The following LRRC4C variants were observed in gnomAD, a reference collection of about 807,000 sequenced individuals.
LRRC4C encodes leucine-rich repeat-containing protein 4C.
A neutral mutation model predicts 33.6 loss-of-function variants in LRRC4C; 5 were observed. The ratio of observed to expected loss-of-function variants is 0.15; its 90% CI spans 0.08 to 0.31. The LOEUF is 0.31. LRRC4C is among the 10% of genes least tolerant of loss of function. The pLI is 1.00. For synonymous variants in LRRC4C, 329 were observed against 302.0 expected (o/e 1.09, Z -0.93); for missense variants, 560 against 796.7 (o/e 0.70, Z 3.58).
intron 6 of LRRC4C, among the ~76,000 whole-genome samples, chr11:40,122,310 G>A (rs769164687): frequency 6.6e-6 from 1 of 151,928 alleles, no homozygotes; most frequent in Non-Finnish European, 1.5e-5. Context: ...TTGTTACATA[G>A]GTTAAACGTG....
At chr11:40,492,877 C>T (rs112479221) in intron 3 of LRRC4C, among the ~76,000 whole-genome samples, 140 of 152,078 alleles carry the variant, frequency 9.2e-4, no homozygotes, top group Admixed American at 3.5e-3. Context: ...ACCCTATAGG[C>T]TTTTGCTAGA....
chr11:40,786,828 G>A (rs1950430557), intron 2 of LRRC4C, among the ~76,000 whole-genome samples: 1 of 152,000 alleles, frequency 6.6e-6, no homozygotes, highest in Non-Finnish European at 1.5e-5. Context: ...TACAGTACAA[G>A]TTCCAAATCT....
chr11:41,215,312 A>G (rs929992529), intron 1 of LRRC4C, among the ~76,000 whole-genome samples: 2 of 151,516 alleles, frequency 1.3e-5, no homozygotes, highest in African/African-American at 4.9e-5. Flanking sequence ...ACATGGTGAA[A>G]CCCTGCCTCT....
intron 1 of LRRC4C, among the ~76,000 whole-genome samples, chr11:41,410,276 A>G (rs1202199303): frequency 1.3e-5 from 2 of 152,244 alleles, no homozygotes; most frequent in Non-Finnish European, 2.9e-5. Context: ...GGCCTTCAGC[A>G]GCTCATCACA....
chr11:41,026,276 C>T (rs564324844), intron 1 of LRRC4C, among the ~76,000 whole-genome samples: 10 of 151,660 alleles, frequency 6.6e-5, no homozygotes, highest in Middle Eastern at 3.4e-3. Context: ...GTCTGCAAGA[C>T]GTTCATTCCA....
At chr11:40,512,129 A>C (rs907723054) in intron 3 of LRRC4C, among the ~76,000 whole-genome samples, 1 of 152,198 alleles carries the variant, frequency 6.6e-6, no homozygotes, top group Non-Finnish European at 1.5e-5. Context: ...AAACTACACT[A>C]ATCTATAAAT....
In LRRC4C at chr11:40,346,462, T is replaced by C. The variant is rs183220292; in HGVS notation, c.-269-26741A>G. Among the ~76,000 whole-genome samples, 1,432 of 152,254 alleles carry C rather than the reference T, an allele frequency of 9.4e-3. 71 individuals carry two copies. Among genetic ancestry groups the C allele is most frequent in the Admixed American group, 0.085 (1,301 of 15,282 alleles). On this transcript the variant is annotated intron_variant, in intron 3 of 6. Coordinates refer to ENST00000528697, the MANE Select transcript of LRRC4C (RefSeq NM_001258419.2). ...ACTAACACAGTAACAGAAAATTAAA[T>C]AGTGCATGTTCTCACTTATAAGTGG...
intron 1 of LRRC4C, among the ~76,000 whole-genome samples, chr11:41,443,781 A>G (rs1340107953): frequency 8.7e-6 from 1 of 115,142 alleles, no homozygotes; most frequent in Non-Finnish European, 1.8e-5. Context: ...ACACCTAGCT[A>G]TTTTTTTTTT....
At chr11:40,340,281 G>A (rs1449661417) in intron 3 of LRRC4C, among the ~76,000 whole-genome samples, 1 of 152,016 alleles carries the variant, frequency 6.6e-6, no homozygotes, top group Non-Finnish European at 1.5e-5. Flanking sequence ...AGAAACATGA[G>A]AAGTTCACCA....
intron 2 of LRRC4C, among the ~76,000 whole-genome samples, chr11:40,709,248 T>G (rs1312584197): frequency 6.6e-6 from 1 of 152,202 alleles, no homozygotes; most frequent in Non-Finnish European, 1.5e-5. Flanking sequence ...CCCGTCATTA[T>G]GATGTTAGCT....
At chr11:41,366,246 G>A (rs528329607) in intron 1 of LRRC4C, among the ~76,000 whole-genome samples, 19 of 136,048 alleles carry the variant, frequency 1.4e-4, no homozygotes, top group African/African-American at 4.8e-4. Context: ...AGATAGATAG[G>A]TAGATATCCT....
At chr11:41,425,995 C>T (rs186296182) in intron 1 of LRRC4C, among the ~76,000 whole-genome samples, 1 of 152,140 alleles carries the variant, frequency 6.6e-6, no homozygotes, top group Non-Finnish European at 1.5e-5. Flanking sequence ...ATCAAAAACA[C>T]TCTTCTAAAA....
intron 4 of LRRC4C, among the ~76,000 whole-genome samples, chr11:40,280,424 A>C (rs772954706): frequency 5.3e-4 from 81 of 152,148 alleles, no homozygotes; most frequent in Non-Finnish European, 1.0e-3. Flanking sequence ...GCAGGCAAAG[A>C]TTTCTTCTTA....
At chr11:40,310,854 C>T (rs998462971) in intron 4 of LRRC4C, among the ~76,000 whole-genome samples, 20 of 152,212 alleles carry the variant, frequency 1.3e-4, no homozygotes, top group African/African-American at 4.8e-4. Flanking sequence ...TTTCCAAAGA[C>T]TGGGTCCTAA....
intron 2 of LRRC4C, among the ~76,000 whole-genome samples, chr11:40,779,113 G>A (rs1950121133): frequency 6.6e-6 from 1 of 152,130 alleles, no homozygotes; most frequent in African/African-American, 2.4e-5. Context: ...TCCAGAACCA[G>A]AGTAGTAGTA....
At position 41,107,044 on chromosome 11, in the gene LRRC4C, C is replaced by A. The variant is rs141165072; in HGVS notation, c.-495-173321G>T. On this transcript the variant is annotated intron_variant, in intron 1 of 6. Transcript: ENST00000528697. ...AAAATTAAATACTTGAGACCAGAAG[C>A]GTTTTAGGTTTTGATTTTTTTTTTT... 7.5e-3 allele frequency among the ~76,000 whole-genome samples: 988 copies of A among 132,066 alleles called. 13 individuals are homozygous for A. Among genetic ancestry groups the A allele is most frequent in the African/African-American group, 0.025 (909 of 35,764 alleles). 86.6% of individuals were successfully genotyped at this position (132,066 alleles called of 152,430 possible).
In LRRC4C at chr11:41,329,430, C is replaced by T. The variant is rs376289190; in HGVS notation, c.-496+130001G>A. ...TATCTCTTCTTTTTGCAATATGTTG[C>T]GTCCCATAGTACCAGATTTGATTAA... On this transcript the variant is annotated intron_variant, in intron 1 of 6. Transcript: ENST00000528697. 2.8e-4 allele frequency among the ~76,000 whole-genome samples: 43 copies of T among 152,264 alleles called. 1 individual carries two copies. The highest frequency in any genetic ancestry group is 9.1e-4 in the African/African-American group (38 of 41,542).
chr11:41,233,330 G>C (rs1947882170), intron 1 of LRRC4C, among the ~76,000 whole-genome samples: 1 of 151,952 alleles, frequency 6.6e-6, no homozygotes, highest in African/African-American at 2.4e-5. Context: ...GGGAAAAATT[G>C]TTAATATCAA....
chr11:40,205,432 G>GA (rs994414250), intron 5 of LRRC4C, among the ~76,000 whole-genome samples: 1 of 151,830 alleles, frequency 6.6e-6, no homozygotes, highest in Admixed American at 6.6e-5. Flanking sequence ...AAACCCTCAA[G>GA]AAAAAAACAC....
Sources: gnomAD v4.1 joint callset for allele counts (sites outside exome capture counted in the v4.1 genomes callset) on GRCh38, gnomAD v4.1.1 for gene constraint, MANE v1.5 for transcripts, NCBI Gene and HGNC (gene_info 2026-07-23, HGNC 2026-07-21) for gene names.